The following CYP4A22 variants were observed in gnomAD, a reference collection of about 807,000 sequenced individuals.
CYP4A22 encodes cytochrome P450 4A22.
A neutral mutation model predicts 56.2 loss-of-function variants in CYP4A22; 46 were observed. The observed-to-expected ratio is 0.82, with a 90% CI of 0.65 to 1.05. The LOEUF (loss-of-function observed/expected upper bound fraction) is 1.05. Ranked by LOEUF, CYP4A22 falls within the 50% of genes least tolerant of loss-of-function variation. The pLI is 0.00. For synonymous variants in CYP4A22, 193 were observed against 251.1 expected (o/e 0.77, Z 2.19); for missense variants, 541 against 645.9 (o/e 0.84, Z 1.76).
Position 47,141,177 on chromosome 1 carries a change from C to T in CYP4A22, c.337+256C>T, listed in dbSNP as rs1254668529. ...TTAAGAAAATTGAGGTTTTCTGAAA[C>T]GTAAATTGCCCCAGATCTGTAAAAC... On this transcript the variant is annotated intron_variant, in intron 2 of 11. Coordinates refer to ENST00000371891, the MANE Select transcript of CYP4A22 (RefSeq NM_001010969.4). Among the ~76,000 whole-genome samples, 9 of 152,258 alleles carry T rather than the reference C, an allele frequency of 5.9e-5. 1 individual carries two copies. The highest frequency in any genetic ancestry group is 3.9e-4 in the East Asian group (2 of 5,188).
At chr1:47,139,844 CAAAGCTGAGTCTTG>C (rs1389466458) in intron 1 of CYP4A22, among the ~76,000 whole-genome samples, 1 of 152,156 alleles carries the variant, frequency 6.6e-6, no homozygotes, top group Non-Finnish European at 1.5e-5. Context: ...GAGATTAAAG[CAAAGCTGAGTCTTG>C]AAAGCTGAGG....
chr1:47,148,332 C>T (rs1032620190), intron 11 of CYP4A22, among the ~76,000 whole-genome samples: 10 of 152,328 alleles, frequency 6.6e-5, no homozygotes, highest in African/African-American at 2.4e-4. Context: ...AGCCCTGGCC[C>T]TGTCTTGATA....
intron 7 of CYP4A22, 23 bp from the exon 8 acceptor site, chr1:47,144,527 C>A: frequency 6.2e-7 from 1 of 1,614,048 alleles, no homozygotes. Flanking sequence ...ACAAGCCCTG[C>A]ACTTTCACCA....
intron 1 of CYP4A22, among the ~76,000 whole-genome samples, chr1:47,138,340 C>T (rs1035227035): frequency 4.1e-4 from 62 of 152,262 alleles, no homozygotes; most frequent in African/African-American, 1.4e-3. Flanking sequence ...TGCACAATGT[C>T]CTCCAAGTGA....
At chr1:47,140,163 G>A (rs1192782232) in intron 1 of CYP4A22, among the ~76,000 whole-genome samples, 1 of 152,152 alleles carries the variant, frequency 6.6e-6, no homozygotes, top group African/African-American at 2.4e-5. Flanking sequence ...ATGAGAATAA[G>A]AAACCCAAAT....
intron 10 of CYP4A22, 69 bp downstream of exon 10, chr1:47,145,999 C>G: frequency 1.2e-6 from 2 of 1,614,074 alleles, no homozygotes; most frequent in Non-Finnish European, 1.7e-6. Flanking sequence ...GCTTCCACCT[C>G]TGGGAGTACT....
At chr1:47,144,051 C>T (rs893623065) in intron 6 of CYP4A22, 135 bp downstream of exon 6, 46 of 1,452,228 alleles carry the variant, frequency 3.2e-5, no homozygotes, top group Non-Finnish European at 3.7e-5. Context: ...TTCCCTTGCT[C>T]AGGGGCTGGG....
At chr1:47,146,273 T>C in intron 11 of CYP4A22, 120 bp downstream of exon 11, 1 of 1,585,442 alleles carries the variant, frequency 6.3e-7, no homozygotes, top group Non-Finnish European at 8.6e-7. Flanking sequence ...TAAATATTGG[T>C]ATTTGTGGGA....
rs865887358 is a variant in CYP4A22, at chr1:47,143,322, C to T, written c.564C>T (p.His188=). The T allele has an allele frequency of 5.0e-6, 8 of 1,613,922 alleles. No individual in the cohort carries two copies. Among genetic ancestry groups the T allele is most frequent in the African/African-American group, 2.7e-5 (2 of 75,032 alleles). ...GQDSPLEVFQ[H]VSLMTLDTIM... ...ATTCCCCTCTGGAGGTCTTTCAGCA[C>T]GTCTCCTTGATGACCCTGGACACCA... Residue 188 remains histidine, a synonymous_variant, in exon 5 of 12, where the codon CAC becomes CAT. Coordinates refer to ENST00000371891, the MANE Select transcript of CYP4A22 (RefSeq NM_001010969.4).
intron 11 of CYP4A22, 68 bp downstream of exon 11, chr1:47,146,221 T>C: frequency 6.2e-7 from 1 of 1,612,354 alleles, no homozygotes; most frequent in South Asian, 1.1e-5. Context: ...CTCTGATCTT[T>C]GTGAGCCCGA....
Position 47,145,924 on chromosome 1 carries a change from C to G in CYP4A22, c.1281C>G (p.Asn427Lys), listed in dbSNP as rs1162624609. The G allele has an allele frequency of 1.2e-6, 2 of 1,614,000 alleles. No homozygotes were observed. The highest frequency in any genetic ancestry group is 2.7e-5 in the African/African-American group (2 of 74,904). Residue 427 changes from asparagine (N) to lysine (K), a missense_variant, in exon 10 of 12, where the codon AAC becomes AAG. Physicochemically the swap from Asn to Lys is moderately conservative, Grantham distance 94 (BLOSUM62 0). This residue lies in a region of CYP4A22 where 204 missense variants were observed against 258.9 expected (regional missense o/e 0.79). Coordinates refer to ENST00000371891, the MANE Select transcript of CYP4A22 (RefSeq NM_001010969.4). ...GLHHNPKVWP[N>K]LEVFDPSRFA... ...ACCACAACCCAAAAGTGTGGCCCAACCTAGAGGTATGTGGTCCTTGAGAGG... is the reference window on the plus strand; with the variant it reads ...ACCACAACCCAAAAGTGTGGCCCAAGCTAGAGGTATGTGGTCCTTGAGAGG...
At chr1:47,146,852 C>T (rs1645081401) in intron 11 of CYP4A22, 1 of 985,864 alleles carries the variant, frequency 1.0e-6, no homozygotes, top group Admixed American at 6.1e-5. Context: ...ATACCATAGT[C>T]CTGTAATCCA....
intron 5 of CYP4A22, 126 bp downstream of exon 5, chr1:47,143,519 C>G: frequency 6.7e-7 from 1 of 1,499,756 alleles, no homozygotes; most frequent in South Asian, 1.4e-5. Flanking sequence ...CCTGACCAAA[C>G]TCTAATTCCT....
chr1:47,141,517 G>A, intron 2 of CYP4A22, 54 bp from the exon 3 acceptor site: 2 of 1,590,462 alleles, frequency 1.3e-6, no homozygotes, highest in Non-Finnish European at 1.7e-6. Context: ...CTGCCTCTGA[G>A]ACTGCCTTCT....
intron 9 of CYP4A22, among the ~76,000 whole-genome samples, chr1:47,145,354 C>A (rs1450913428): frequency 1.3e-5 from 2 of 152,160 alleles, no homozygotes; most frequent in Non-Finnish European, 2.9e-5. Flanking sequence ...CTCTGAGGAA[C>A]CCTCAGGTTG....
chr1:47,137,654 C>A lies in CYP4A22; in HGVS notation c.169C>A (p.His57Asn), dbSNP rs148805480. ...ALQQFPCPPSHWLFGHIQEFQ... is the reference protein window; with the variant it reads ...ALQQFPCPPSNWLFGHIQEFQ... ...CCAGCAGTTCCCGTGCCCTCCCTCC[C>A]ACTGGCTCTTCGGGCACATCCAGGA... The change falls in exon 1 of 12, where the codon CAC becomes AAC. Residue 57 changes from histidine to asparagine, a missense_variant. By Grantham distance (68) the His-to-Asn change is moderately conservative. Coordinates refer to ENST00000371891, the MANE Select transcript of CYP4A22 (RefSeq NM_001010969.4). 14 of 1,613,096 alleles carry A rather than the reference C, an allele frequency of 8.7e-6. No individual in the cohort carries two copies. The highest frequency in any genetic ancestry group is 1.1e-5 in the Non-Finnish European group (13 of 1,179,460).
chr1:47,142,055 AG>A, intron 3 of CYP4A22, 52 bp from the exon 4 acceptor site: 1 of 1,565,990 alleles, frequency 6.4e-7, no homozygotes, highest in Non-Finnish European at 8.7e-7. Flanking sequence ...AGTCATCCCT[AG>A]GTCCGTGCAG....
rs1489014569 is a variant in CYP4A22 at position 47,148,982 on chromosome 1, C to A, written c.*185C>A. Reference sequence around the variant, plus strand: ...ACCTGCTTGTCTACCTGTCTCCTACCCACCTGTATATCTTGTTGGGAGAAA... The same window carrying A: ...ACCTGCTTGTCTACCTGTCTCCTACACACCTGTATATCTTGTTGGGAGAAA... On this transcript the variant is annotated 3_prime_UTR_variant, in exon 12 of 12. Transcript: ENST00000371891. The A allele has an allele frequency of 1.5e-4, 95 of 623,024 alleles. 1 individual carries two copies. In the South Asian group the frequency reaches 2.9e-3, roughly 19 times the overall value. The allele number at this position is 623,024 out of a possible 1,614,324, so 38.6% of individuals were successfully genotyped here.
intron 1 of CYP4A22, among the ~76,000 whole-genome samples, chr1:47,138,588 C>G (rs1461883169): frequency 6.6e-6 from 1 of 152,340 alleles, no homozygotes; most frequent in East Asian, 1.9e-4. Flanking sequence ...TGGCCCGACA[C>G]AAATTCGTAA....
Sources: gnomAD v4.1 joint callset for allele counts (sites outside exome capture counted in the v4.1 genomes callset) on GRCh38, gnomAD v4.1.1 for gene constraint, gnomAD v4.1.1 regional missense constraint, MANE v1.5 for transcripts, NCBI Gene and HGNC (gene_info 2026-07-23, HGNC 2026-07-21) for gene names.